Variants in CLPP observed in about 807,000 individuals in gnomAD.
CLPP encodes the protein caseinolytic mitochondrial matrix peptidase proteolytic subunit, also known as ATP-dependent Clp protease proteolytic subunit, mitochondrial.
CLPP carries 14 observed loss-of-function variants against 27.4 expected under a neutral mutation model. The ratio of observed to expected loss-of-function variants is 0.51; its 90% CI spans 0.34 to 0.80. The LOEUF is 0.80. Among genes scored for constraint, CLPP ranks in the 30% least tolerant of loss-of-function variants. The probability of loss-of-function intolerance (pLI) is 0.02; values close to 1 mark genes in which losing one functional copy is unlikely to be tolerated. For missense variants in CLPP, 361 were observed against 403.6 expected, an observed-to-expected ratio of 0.89 and a Z score of 0.90; for synonymous variants, 193 against 166.6, an observed-to-expected ratio of 1.16 and a Z score of -1.22.
At chr19:6,365,495 G>C (rs1326699163) in intron 4 of CLPP, among the ~76,000 whole-genome samples, 1 of 152,108 alleles carries the variant, frequency 6.6e-6, no homozygotes, top group East Asian at 1.9e-4. Flanking sequence ...GGGAAAAAAA[G>C]AAAATGCACT....
chr19:6,364,970 C>G (rs1228826235), intron 4 of CLPP: 1 of 216,420 alleles, frequency 4.6e-6, no homozygotes, highest in Non-Finnish European at 9.3e-6. Context: ...GTGATCCGCC[C>G]ACATTGGCCT....
chr19:6,362,637 G>T (rs2091841798), intron 3 of CLPP, 95 bp downstream of exon 3: 2 of 881,386 alleles, frequency 2.3e-6, no homozygotes, highest in Non-Finnish European at 3.8e-6. Context: ...TTCTCTCTCT[G>T]GGAAAGGGTG....
In CLPP at chr19:6,362,550, G is replaced by C; in HGVS notation, c.367+8G>C. On this transcript the variant is annotated splice_region_variant and intron_variant, in intron 3 of 5. Coordinates refer to ENST00000245816, the MANE Select transcript of CLPP (RefSeq NM_006012.4). ...TGTACATCAACAGCCCTGGTGAGCA[G>C]GGTCTTTCCTGGGTGCCAGGGGCAC... 2 of 1,606,200 alleles carry C rather than the reference G, an allele frequency of 1.2e-6. No homozygotes were observed. Among genetic ancestry groups the C allele is most frequent in the Non-Finnish European group, 1.7e-6 (2 of 1,172,838 alleles).
rs934385459 is a variant in CLPP, at chr19:6,369,969, T to A, written c.*1259T>A. ...AGAGCAGTTAGGATAGTTGGAGTAA[T>A]CTAGACGAAAGCTGATGGCAGCCCT... On this transcript the variant is annotated 3_prime_UTR_variant, in exon 6 of 6. Transcript: ENST00000245816. Among the ~76,000 whole-genome samples the A allele has an allele frequency of 1.3e-5, 2 of 152,102 alleles. No individual in the cohort carries two copies. The highest frequency in any genetic ancestry group is 4.8e-5 in the African/African-American group (2 of 41,414).
chr19:6,368,044 T>C (rs1182124067), intron 5 of CLPP, among the ~76,000 whole-genome samples: 1 of 152,094 alleles, frequency 6.6e-6, no homozygotes, highest in East Asian at 1.9e-4. Flanking sequence ...TAACAATTTT[T>C]TAAAAAACAA....
At chr19:6,367,201 C>T (rs1428314972) in intron 5 of CLPP, among the ~76,000 whole-genome samples, 1 of 151,678 alleles carries the variant, frequency 6.6e-6, no homozygotes, top group African/African-American at 2.4e-5. Context: ...ATGGTGAAAC[C>T]CCGTCTCTAC....
rs887589848 is a variant in CLPP at position 6,368,911 on chromosome 19, T to C, written c.*201T>C. 6.8e-5 allele frequency: 40 copies of C among 592,282 alleles called. No individual in the cohort carries two copies. The East Asian group carries it at 8.2e-4, about 12-fold the overall frequency. The allele number at this position is 592,282 out of a possible 1,614,324, so 36.7% of individuals were successfully genotyped here. ...AAATCTTTGTGGTCTTTGCTCTGCG[T>C]CTGGGACACCCTCCCTTCTGCACCA... On this transcript the variant is annotated 3_prime_UTR_variant, in exon 6 of 6. Transcript: ENST00000245816.
intron 3 of CLPP, among the ~76,000 whole-genome samples, chr19:6,363,111 C>G (rs1051898415): frequency 2.7e-5 from 4 of 148,912 alleles, no homozygotes; most frequent in African/African-American, 1.0e-4. Flanking sequence ...TGATTGAGCA[C>G]TTATGATGGA....
rs2091874806 is a variant in CLPP, at chr19:6,368,898, T to C, written c.*188T>C. On this transcript the variant is annotated 3_prime_UTR_variant, in exon 6 of 6. Transcript: ENST00000245816. ...GTGATTTTAAATTAAATCTTTGTGGTCTTTGCTCTGCGTCTGGGACACCCT... is the reference window on the plus strand; with the variant it reads ...GTGATTTTAAATTAAATCTTTGTGGCCTTTGCTCTGCGTCTGGGACACCCT... 4.9e-6 allele frequency: 3 copies of C among 606,096 alleles called. No homozygotes were observed. The highest frequency in any genetic ancestry group is 8.7e-6 in the Non-Finnish European group (3 of 344,866). The allele number at this position is 606,096 out of a possible 1,614,324, so 37.5% of individuals were successfully genotyped here.
rs1409131151 is a variant in CLPP at position 6,369,807 on chromosome 19, A to G, written c.*1097A>G. Among the ~76,000 whole-genome samples, 1 of 152,040 alleles carries G rather than the reference A, an allele frequency of 6.6e-6. No homozygotes were observed. Among genetic ancestry groups the G allele is most frequent in the Non-Finnish European group, 1.5e-5 (1 of 67,978 alleles). Reference sequence around the variant, plus strand: ...GAGATTCTGTCTCCAAAAAAAAAAAAGTGGAGGTGATTGAGAATAGATCAT... The same window carrying G: ...GAGATTCTGTCTCCAAAAAAAAAAAGGTGGAGGTGATTGAGAATAGATCAT... On this transcript the variant is annotated 3_prime_UTR_variant, in exon 6 of 6. Coordinates refer to ENST00000245816, the MANE Select transcript of CLPP (RefSeq NM_006012.4).
chr19:6,367,220 CA>C (rs761114198), intron 5 of CLPP, among the ~76,000 whole-genome samples: 172 of 151,670 alleles, frequency 1.1e-3, no homozygotes, highest in Non-Finnish European at 1.4e-3. Context: ...ACCAAAAATA[CA>C]AAAACTAGCC....
At chr19:6,362,145 G>C (rs2091838261) in intron 2 of CLPP, 1 of 591,460 alleles carries the variant, frequency 1.7e-6, no homozygotes, top group Non-Finnish European at 3.0e-6. Flanking sequence ...CTTAATCTCC[G>C]ACTTCCTTCC....
At chr19:6,367,112 C>G (rs1266799814) in intron 5 of CLPP, among the ~76,000 whole-genome samples, 3 of 151,982 alleles carry the variant, frequency 2.0e-5, no homozygotes, top group African/African-American at 7.2e-5. Flanking sequence ...CACCATGGCT[C>G]ACGCCTGTAG....
rs2145055637 is a variant in CLPP at position 6,368,693 on chromosome 19, G to GT, written c.818dup (p.Ala275SerfsTer2). On this transcript the variant is annotated frameshift_variant, in exon 6 of 6. Coordinates refer to ENST00000245816, the MANE Select transcript of CLPP (RefSeq NM_006012.4). LOFTEE classifies it high-confidence loss of function. ...AGAAGCAGCGCCGGCAGCAGAACCT[G>GT]TCCCAGCTAGCACCTGAGAGCTGGG... 4 of 1,554,884 alleles carry GT rather than the reference G, an allele frequency of 2.6e-6. No individual in the cohort carries two copies. Among genetic ancestry groups the GT allele is most frequent in the Non-Finnish European group, 3.5e-6 (4 of 1,149,428 alleles).
At position 6,361,649 on chromosome 19, in the gene CLPP, C is replaced by G. The variant is rs1211759138; in HGVS notation, c.75C>G (p.Ala25=). The change falls in exon 1 of 6, where the codon GCC becomes GCG. Residue 25 remains alanine, a synonymous_variant. Transcript: ENST00000245816. The part of the protein sequence containing the change: ...CRYPALGPRL[A]AHFPAQRPPQ... ...ACCCCGCGCTGGGGCCTCGCCTCGCCGCTCACTTTCCAGCGCAGCGGCCGC... is the reference window on the plus strand; with the variant it reads ...ACCCCGCGCTGGGGCCTCGCCTCGCGGCTCACTTTCCAGCGCAGCGGCCGC... The G allele has an allele frequency of 7.0e-7, 1 of 1,420,132 alleles. No individual in the cohort carries two copies. The highest frequency in any genetic ancestry group is 1.5e-5 in the South Asian group (1 of 65,682). 88.0% of individuals were successfully genotyped at this position (1,420,132 alleles called of 1,614,324 possible).
chr19:6,367,665 C>T (rs2091869260), intron 5 of CLPP, among the ~76,000 whole-genome samples: 1 of 151,752 alleles, frequency 6.6e-6, no homozygotes, highest in Non-Finnish European at 1.5e-5. Flanking sequence ...AAATCCATCC[C>T]ACCAGACATT....
chr19:6,361,553 G>C lies in CLPP; in HGVS notation c.-22G>C, dbSNP rs776729776. On this transcript the variant is annotated 5_prime_UTR_variant, in exon 1 of 6. Coordinates refer to ENST00000245816, the MANE Select transcript of CLPP (RefSeq NM_006012.4). ...GCTGTAGTTCCGCCATCGGACGGAA[G>C]CCGACCGGGGCGTGCGGAGGGATGT... The C allele has an allele frequency of 1.3e-5, 18 of 1,386,018 alleles. No homozygotes were observed. Among genetic ancestry groups the C allele is most frequent in the Non-Finnish European group, 1.7e-5 (18 of 1,065,870 alleles). The allele number at this position is 1,386,018 out of a possible 1,614,324, so 85.9% of individuals were successfully genotyped here.
At chr19:6,362,669 G>T (rs1479579368) in intron 3 of CLPP, 127 bp downstream of exon 3, 9 of 698,674 alleles carry the variant, frequency 1.3e-5, no homozygotes, top group African/African-American at 1.8e-5. Context: ...AGTTCCAGAA[G>T]TGGCTTTAAA....
In CLPP at chr19:6,364,605, G is replaced by A. The variant is rs774708367; in HGVS notation, c.521G>A (p.Arg174His). Residue 174 changes from arginine (R) to histidine (H), a missense_variant, in exon 4 of 6, where the codon CGT becomes CAT. Coordinates refer to ENST00000245816, the MANE Select transcript of CLPP (RefSeq NM_006012.4). Reference protein sequence around the residue: ...PGMRHSLPNSRIMIHQPSGGA... With the variant: ...PGMRHSLPNSHIMIHQPSGGA... ...ATGCGCCACTCGCTCCCCAACTCCC[G>A]TATCATGATCCACCAGCCCTCAGGA... 9 of 1,612,562 alleles carry A rather than the reference G, an allele frequency of 5.6e-6. No homozygotes were observed. The highest frequency in any genetic ancestry group is 1.7e-5 in the Admixed American group (1 of 59,978).
Sources: allele counts gnomAD v4.1 joint callset (sites outside exome capture counted in the v4.1 genomes callset), GRCh38; gene constraint gnomAD v4.1.1; transcripts MANE v1.5; gene names NCBI Gene and HGNC (gene_info 2026-07-23, HGNC 2026-07-21).